Variants in XKR4 observed in about 807,000 individuals in gnomAD.
The protein encoded by XKR4 is XK-related protein 4.
Under a neutral mutation model 53.9 loss-of-function variants are expected in XKR4, and 12 were observed. That is an observed-to-expected ratio of 0.22 (90% confidence interval 0.14 to 0.36). The LOEUF is 0.36. XKR4 is among the 10% of genes least tolerant of loss of function. The probability of loss-of-function intolerance (pLI) is 1.00; values close to 1 mark genes in which losing one functional copy is unlikely to be tolerated. For missense variants in XKR4, 799 were observed against 859.5 expected (o/e 0.93, Z 0.88); for synonymous variants, 354 against 362.4 (o/e 0.98, Z 0.26).
chr8:55,355,746 C>A (rs1471832227), intron 1 of XKR4, among the ~76,000 whole-genome samples: 2 of 152,200 alleles, frequency 1.3e-5, no homozygotes, highest in Non-Finnish European at 2.9e-5. Flanking sequence ...AATGGCAGAT[C>A]TTGGGCCTTG....
chr8:55,312,633 G>A (rs369691860), intron 1 of XKR4, among the ~76,000 whole-genome samples: 15 of 152,212 alleles, frequency 9.9e-5, no homozygotes, highest in East Asian at 5.8e-4. Flanking sequence ...TTGGAATGTC[G>A]GTAGAACAAT....
intron 1 of XKR4, among the ~76,000 whole-genome samples, chr8:55,196,906 G>A (rs796521994): frequency 4.6e-5 from 7 of 152,252 alleles, no homozygotes; most frequent in East Asian, 1.9e-4. Flanking sequence ...TTGGACGGAC[G>A]CTAGAAGAAG....
chr8:55,472,425 A>G (rs1340205875), intron 2 of XKR4, among the ~76,000 whole-genome samples: 1 of 152,142 alleles, frequency 6.6e-6, no homozygotes, highest in African/African-American at 2.4e-5. Context: ...AGTGATGAAC[A>G]TGCATTGTTA....
At chr8:55,468,456 A>AT (rs915075721) in intron 2 of XKR4, among the ~76,000 whole-genome samples, 7 of 151,780 alleles carry the variant, frequency 4.6e-5, no homozygotes, top group Admixed American at 3.3e-4. Flanking sequence ...GTTATATCTA[A>AT]TTTTTTTTCT....
intron 1 of XKR4, among the ~76,000 whole-genome samples, chr8:55,356,601 T>C (rs2129384250): frequency 6.6e-6 from 1 of 152,350 alleles, no homozygotes; most frequent in African/African-American, 2.4e-5. Flanking sequence ...ACTATATTTG[T>C]AAATGTGATC....
chr8:55,288,678 C>T (rs915619356), intron 1 of XKR4, among the ~76,000 whole-genome samples: 4 of 152,082 alleles, frequency 2.6e-5, no homozygotes, highest in Non-Finnish European at 4.4e-5. Context: ...AATTAGAGAT[C>T]GGCATGCATT....
intron 2 of XKR4, among the ~76,000 whole-genome samples, chr8:55,386,129 A>G (rs1804310255): frequency 6.6e-6 from 1 of 152,166 alleles, no homozygotes; most frequent in Non-Finnish European, 1.5e-5. Context: ...GGACGAGGAG[A>G]CAGCAAATAA....
At chr8:55,389,917 C>G (rs1048643610) in intron 2 of XKR4, among the ~76,000 whole-genome samples, 9 of 152,206 alleles carry the variant, frequency 5.9e-5, no homozygotes, top group South Asian at 2.1e-4. Context: ...TTCCCCCTCT[C>G]TGACCCAAGA....
intron 2 of XKR4, among the ~76,000 whole-genome samples, chr8:55,445,413 C>A (rs1219503205): frequency 6.6e-6 from 1 of 152,078 alleles, no homozygotes; most frequent in Non-Finnish European, 1.5e-5. Context: ...TACAGAAGGG[C>A]ACTATACTTT....
At chr8:55,208,614 C>T (rs569412286) in intron 1 of XKR4, among the ~76,000 whole-genome samples, 1 of 151,862 alleles carries the variant, frequency 6.6e-6, no homozygotes, top group African/African-American at 2.4e-5. Context: ...GTACAGGCGC[C>T]CACCACCACA....
At chr8:55,316,961 T>C (rs1819486583) in intron 1 of XKR4, among the ~76,000 whole-genome samples, 1 of 152,172 alleles carries the variant, frequency 6.6e-6, no homozygotes, top group South Asian at 2.1e-4. Context: ...GGACTTTTAA[T>C]TAAAAGGAAT....
At chr8:55,343,390 C>T (rs1314110376) in intron 1 of XKR4, among the ~76,000 whole-genome samples, 1 of 152,160 alleles carries the variant, frequency 6.6e-6, no homozygotes, top group Non-Finnish European at 1.5e-5. Flanking sequence ...AGAAACATTC[C>T]CACCACAGGC....
chr8:55,386,945 C>T (rs1804327499), intron 2 of XKR4, among the ~76,000 whole-genome samples: 1 of 152,168 alleles, frequency 6.6e-6, no homozygotes, highest in Admixed American at 6.5e-5. Context: ...CAGTTATTAA[C>T]AATACTATAT....
intron 2 of XKR4, among the ~76,000 whole-genome samples, chr8:55,472,875 G>A (rs557647174): frequency 2.7e-4 from 41 of 152,190 alleles, no homozygotes; most frequent in African/African-American, 9.6e-4. Flanking sequence ...CAGAAGCGTT[G>A]TCTTATGTTC....
chr8:55,304,083 G>C (rs1819251091), intron 1 of XKR4, among the ~76,000 whole-genome samples: 1 of 151,940 alleles, frequency 6.6e-6, no homozygotes, highest in Admixed American at 6.6e-5. Flanking sequence ...TCTTTTAATT[G>C]TGACGTTAGG....
chr8:55,123,770 A>G (rs1010950809), intron 1 of XKR4, among the ~76,000 whole-genome samples: 10 of 152,334 alleles, frequency 6.6e-5, no homozygotes, highest in African/African-American at 2.4e-4. Context: ...CCTCCAAGTG[A>G]CAGCCATGAT....
chr8:55,422,470 C>T (rs922754245), intron 2 of XKR4, among the ~76,000 whole-genome samples: 3 of 152,080 alleles, frequency 2.0e-5, no homozygotes, highest in Admixed American at 6.6e-5. Context: ...TGATTTGGTC[C>T]GTGAGATGAA....
At chr8:55,260,055 C>T (rs1818501296) in intron 1 of XKR4, among the ~76,000 whole-genome samples, 1 of 152,158 alleles carries the variant, frequency 6.6e-6, no homozygotes, top group African/African-American at 2.4e-5. Context: ...ATCTCCCCTA[C>T]TAGGTGTACT....
chr8:55,212,717 G>A (rs188378223), intron 1 of XKR4, among the ~76,000 whole-genome samples: 4 of 152,282 alleles, frequency 2.6e-5, no homozygotes, highest in Non-Finnish European at 5.9e-5. Context: ...TACTATGAGT[G>A]CTATTCATGG....
Sources: gnomAD v4.1 joint callset for allele counts (sites outside exome capture counted in the v4.1 genomes callset) on GRCh38, gnomAD v4.1.1 for gene constraint, MANE v1.5 for transcripts, NCBI Gene and HGNC (gene_info 2026-07-23, HGNC 2026-07-21) for gene names.